The following CAPN9 variants were observed in gnomAD, a reference collection of about 807,000 sequenced individuals.
CAPN9 encodes the protein calpain-9.
In CAPN9, 81 loss-of-function variants were observed where a neutral mutation model predicts 92.8. The observed-to-expected ratio is 0.87, with a 90% CI of 0.73 to 1.05. The LOEUF (loss-of-function observed/expected upper bound fraction) is 1.05, where lower values mean the gene tolerates loss of function less well. Ranked by LOEUF, CAPN9 falls within the 50% of genes least tolerant of loss-of-function variation. CAPN9 has a pLI of 0.00. For synonymous variants in CAPN9, 304 were observed against 328.0 expected (o/e 0.93, Z 0.79); for missense variants, 848 against 866.2 (o/e 0.98, Z 0.26).
rs377571908 is a variant in CAPN9, at chr1:230,769,920, T to C, written c.789+657T>C. On this transcript the variant is annotated intron_variant, in intron 6 of 19. Transcript: ENST00000271971. ...ACATTTCTTTTCTCTGGCTTATTTA[T>C]TGTAAGAATACAGTATATAATATAA... Among the ~76,000 whole-genome samples, 61 of 152,326 alleles carry C rather than the reference T, an allele frequency of 4.0e-4. No homozygotes were observed. The South Asian group carries it at 0.012, about 31-fold the overall frequency.
chr1:230,790,764 AC>A (rs1667928415), intron 14 of CAPN9, among the ~76,000 whole-genome samples: 1 of 152,120 alleles, frequency 6.6e-6, no homozygotes, highest in Non-Finnish European at 1.5e-5. Flanking sequence ...ACATGGTGAA[AC>A]CCCATCTCTA....
chr1:230,800,299 AAAGAAAGGAAAAAC>A (rs1668641544), intron 19 of CAPN9, among the ~76,000 whole-genome samples: 1 of 85,362 alleles, frequency 1.2e-5, no homozygotes, highest in Non-Finnish European at 2.6e-5. Flanking sequence ...AGAAAGAAAG[AAAGAAAGGAAAAAC>A]AAGAGAGACC....
At chr1:230,751,609 G>GAAACAA (rs1443186653) in intron 1 of CAPN9, among the ~76,000 whole-genome samples, 1 of 31,862 alleles carries the variant, frequency 3.1e-5, no homozygotes, top group African/African-American at 1.5e-4. Context: ...AAGAAAGAAA[G>GAAACAA]AGAAAGAAAG....
At chr1:230,770,894 C>T (rs1015035974) in intron 6 of CAPN9, among the ~76,000 whole-genome samples, 2 of 152,182 alleles carry the variant, frequency 1.3e-5, no homozygotes, top group Admixed American at 1.3e-4. Context: ...GGAGACCCTG[C>T]CCTTCCTCCT....
At chr1:230,794,455 T>C (rs1374081938) in intron 17 of CAPN9, among the ~76,000 whole-genome samples, 2 of 152,066 alleles carry the variant, frequency 1.3e-5, no homozygotes, top group African/African-American at 4.8e-5. Flanking sequence ...CACTCCAGCC[T>C]GGGCAACAAG....
chr1:230,786,048 G>A, intron 12 of CAPN9, 31 bp downstream of exon 12: 1 of 1,611,840 alleles, frequency 6.2e-7, no homozygotes, highest in Admixed American at 1.7e-5. Flanking sequence ...ATGGAGTATG[G>A]GATTCAGGTG....
At chr1:230,775,645 C>T (rs552299643) in intron 8 of CAPN9, among the ~76,000 whole-genome samples, 3 of 152,230 alleles carry the variant, frequency 2.0e-5, no homozygotes, top group South Asian at 2.1e-4. Context: ...CAGCAGGGCA[C>T]GGTGGCTCAC....
Position 230,792,931 on chromosome 1 carries a change from A to G in CAPN9, c.1870+3A>G, listed in dbSNP as rs751456981. 2.5e-6 allele frequency: 4 copies of G among 1,611,052 alleles called. No homozygotes were observed. The highest frequency in any genetic ancestry group is 1.7e-5 in the Admixed American group (1 of 60,004). On this transcript the variant is annotated splice_donor_region_variant and intron_variant, in intron 17 of 19. Coordinates refer to ENST00000271971, the MANE Select transcript of CAPN9 (RefSeq NM_006615.3). ...ACGGACTGCACTGAAAGCTGCAGGT[A>G]AAGAAAAGACTGGAGTACAGGTGGC...
Position 230,772,119 on chromosome 1 carries a change from C to T in CAPN9, c.875+20C>T. The T allele has an allele frequency of 6.2e-7, 1 of 1,609,602 alleles. No individual in the cohort carries two copies. The highest frequency in any genetic ancestry group is 8.5e-7 in the Non-Finnish European group (1 of 1,175,844). ...CGACAGGTCAGTCACCCTATCCTGCCTCTCTGGCTGGTTCCCGGGGCGTGT... is the reference window on the plus strand; with the variant it reads ...CGACAGGTCAGTCACCCTATCCTGCTTCTCTGGCTGGTTCCCGGGGCGTGT... On this transcript the variant is annotated intron_variant, in intron 7 of 19. Transcript: ENST00000271971.
Position 230,779,028 on chromosome 1 carries a change from A to G in CAPN9, c.1009A>G (p.Thr337Ala). The change falls in exon 9 of 20, where the codon ACT becomes GCT. Residue 337 changes from threonine to alanine, a missense_variant. Thr to Ala is a moderately conservative substitution (Grantham distance 58). Coordinates refer to ENST00000271971, the MANE Select transcript of CAPN9 (RefSeq NM_006615.3). ...HFDKVEICNL[T>A]PDALEEDAIH... is the part of the protein sequence containing the mutation. ...TGATAAAGTGGAGATCTGCAACCTC[A>G]CTCCCGATGCCCTGGAGGAAGACGC... The G allele has an allele frequency of 1.9e-6, 3 of 1,612,236 alleles. No homozygotes were observed. Among genetic ancestry groups the G allele is most frequent in the Non-Finnish European group, 2.5e-6 (3 of 1,179,258 alleles).
chr1:230,791,976 T>A, intron 15 of CAPN9, 48 bp downstream of exon 15: 1 of 1,333,958 alleles, frequency 7.5e-7, no homozygotes, highest in Non-Finnish European at 1.1e-6. Flanking sequence ...TCCTGGGCTT[T>A]AAGCACAGTA....
intron 12 of CAPN9, among the ~76,000 whole-genome samples, chr1:230,786,761 T>C (rs1323676872): frequency 6.9e-6 from 1 of 145,380 alleles, no homozygotes; most frequent in Admixed American, 6.8e-5. Flanking sequence ...GGTAGACTTT[T>C]AATTGTATTT....
chr1:230,758,465 G>C (rs920559028), intron 2 of CAPN9, among the ~76,000 whole-genome samples: 1 of 152,182 alleles, frequency 6.6e-6, no homozygotes, highest in African/African-American at 2.4e-5. Flanking sequence ...AGATGCATTA[G>C]AAACCAATCC....
At chr1:230,800,306 GGAA>G (rs1415652087) in intron 19 of CAPN9, among the ~76,000 whole-genome samples, 1 of 50,206 alleles carries the variant, frequency 2.0e-5, no homozygotes, top group Non-Finnish European at 4.4e-5. Context: ...AAGAAAGAAA[GGAA>G]AAACAAGAGA....
intron 11 of CAPN9, among the ~76,000 whole-genome samples, chr1:230,784,835 G>A (rs183121062): frequency 5.3e-5 from 8 of 152,324 alleles, no homozygotes; most frequent in Admixed American, 1.3e-4. Context: ...GTGGGAAGGC[G>A]GCCATCATCC....
At position 230,800,272 on chromosome 1, in the gene CAPN9, AAG is replaced by A. The variant is rs1200713502; in HGVS notation, c.2047-1296_2047-1295del. Among the ~76,000 whole-genome samples the A allele has an allele frequency of 7.4e-5, 10 of 135,732 alleles. 1 individual carries two copies. The East Asian group carries it at 8.1e-4, about 11-fold the overall frequency. 89.0% of individuals were successfully genotyped at this position (135,732 alleles called of 152,430 possible). ...AAAGAAAGAAAGAAAGAAAGAAAGA[AAG>A]AAAGAAAGAAAGAAAGAAAGAAAGA... is the stretch of plus-strand genomic sequence containing the variant. On this transcript the variant is annotated intron_variant, in intron 19 of 19. Coordinates refer to ENST00000271971, the MANE Select transcript of CAPN9 (RefSeq NM_006615.3).
rs12086319 is a variant in CAPN9, at chr1:230,800,234, G to T, written c.2047-1336G>T. 2.8e-5 allele frequency among the ~76,000 whole-genome samples: 2 copies of T among 71,492 alleles called. 1 individual carries two copies. The highest frequency in any genetic ancestry group is 6.0e-5 in the Non-Finnish European group (2 of 33,382). 46.9% of individuals were successfully genotyped at this position (71,492 alleles called of 152,430 possible). ...AGAAAGAAAAATAAGAAAGAAAGAA[G>T]AAAGAAAGAAAGAAAGAAAGAAAGA... is the stretch of plus-strand genomic sequence containing the variant. On this transcript the variant is annotated intron_variant, in intron 19 of 19. Transcript: ENST00000271971.
chr1:230,774,714 C>G, intron 8 of CAPN9, 83 bp downstream of exon 8: 1 of 796,214 alleles, frequency 1.3e-6, no homozygotes, highest in Non-Finnish European at 2.1e-6. Flanking sequence ...GCTTCTCTCT[C>G]GCTTTCCTTT....
In CAPN9 at chr1:230,787,505, C is replaced by A; in HGVS notation, c.1519-17C>A. 6.2e-7 allele frequency: 1 copy of A among 1,609,502 alleles called. No individual in the cohort carries two copies. The highest frequency in any genetic ancestry group is 8.5e-7 in the Non-Finnish European group (1 of 1,176,014). ...TTTGTGGATCATTTTGTGCAAGTTT[C>A]TTTGGCTGTTTTTTAGCCTCCAAAG... On this transcript the variant is annotated splice_polypyrimidine_tract_variant and intron_variant, in intron 12 of 19. Coordinates refer to ENST00000271971, the MANE Select transcript of CAPN9 (RefSeq NM_006615.3).
Sources: gnomAD v4.1 joint callset for allele counts (sites outside exome capture counted in the v4.1 genomes callset) on GRCh38, gnomAD v4.1.1 for gene constraint, MANE v1.5 for transcripts, NCBI Gene and HGNC (gene_info 2026-07-23, HGNC 2026-07-21) for gene names.